Variants in NPAS3 observed in about 807,000 individuals in gnomAD.
The protein encoded by NPAS3 is neuronal PAS domain protein 3, also known as neuronal PAS domain-containing protein 3.
A neutral mutation model predicts 73.1 loss-of-function variants in NPAS3; 14 were observed. That is an observed-to-expected ratio of 0.19 (90% CI 0.13 to 0.30). The LOEUF (loss-of-function observed/expected upper bound fraction) is 0.30, where lower values mean the gene tolerates loss of function less well. NPAS3 is among the 10% of genes least tolerant of loss of function. The pLI, the probability that NPAS3 is intolerant of heterozygous loss-of-function variation, is 1.00. For synonymous variants in NPAS3, 620 were observed against 541.5 expected (o/e 1.14, Z -2.01); for missense variants, 1,096 against 1,250.0 (o/e 0.88, Z 1.86).
intron 9 of NPAS3, among the ~76,000 whole-genome samples, chr14:33,787,249 C>G (rs2063204793): frequency 6.6e-6 from 1 of 152,102 alleles, no homozygotes; most frequent in African/African-American, 2.4e-5. Context: ...GTTTAAAAGC[C>G]TTGTTCTCCA....
At chr14:33,593,742 A>G (rs533963609) in intron 5 of NPAS3, among the ~76,000 whole-genome samples, 1 of 152,346 alleles carries the variant, frequency 6.6e-6, no homozygotes, top group East Asian at 1.9e-4. Flanking sequence ...GAAAAGACAA[A>G]TTATTAGGAG....
chr14:33,130,330 C>G (rs983118181), intron 2 of NPAS3, among the ~76,000 whole-genome samples: 3 of 152,142 alleles, frequency 2.0e-5, no homozygotes, highest in Non-Finnish European at 2.9e-5. Flanking sequence ...AGTAATGGAA[C>G]TATCCTTAGA....
chr14:33,203,438 A>C (rs899974561), intron 2 of NPAS3, among the ~76,000 whole-genome samples: 1 of 152,144 alleles, frequency 6.6e-6, no homozygotes, highest in Non-Finnish European at 1.5e-5. Flanking sequence ...CGTCATTTAC[A>C]TGAGGTATAT....
Position 33,356,949 on chromosome 14 carries a change from C to T in NPAS3, c.386-10237C>T, listed in dbSNP as rs117040131. Among the ~76,000 whole-genome samples the T allele has an allele frequency of 1.4e-4, 22 of 152,282 alleles. No homozygotes were observed. In the East Asian group the frequency reaches 1.5e-3, roughly 11 times the overall value. ...TAAAAATATTGCTTACATATGTTCT[C>T]GATTCTAGGTCAGACAGTCTTGTAA... On this transcript the variant is annotated intron_variant, in intron 3 of 11. Transcript: ENST00000356141.
chr14:32,993,410 A>G (rs1301211357), intron 1 of NPAS3, among the ~76,000 whole-genome samples: 4 of 152,182 alleles, frequency 2.6e-5, no homozygotes, highest in Non-Finnish European at 4.4e-5. Context: ...AAGAGGTGAG[A>G]CATTCGAGAG....
intron 4 of NPAS3, among the ~76,000 whole-genome samples, chr14:33,547,923 A>G (rs2139678179): frequency 6.6e-6 from 1 of 152,358 alleles, no homozygotes; most frequent in African/African-American, 2.4e-5. Context: ...GAGTCTGTGG[A>G]AATTTTCTCA....
chr14:33,012,108 G>A (rs990596800), intron 1 of NPAS3, among the ~76,000 whole-genome samples: 7 of 151,910 alleles, frequency 4.6e-5, no homozygotes, highest in East Asian at 3.9e-4. Context: ...TCTCCAGCTT[G>A]TGTCCTCCCT....
rs2041638586 is a variant in NPAS3, at chr14:33,075,783, T to G, written c.140+19789T>G. Among the ~76,000 whole-genome samples, 7 of 152,236 alleles carry G rather than the reference T, an allele frequency of 4.6e-5. No individual in the cohort carries two copies. In the South Asian group the frequency reaches 1.4e-3, roughly 32 times the overall value. ...AAATAATGTTAAAATTTAGGAAATC[T>G]TCAGTAAACTGTATTTTCTGAGTCC... On this transcript the variant is annotated intron_variant, in intron 2 of 11. Coordinates refer to ENST00000356141, the Ensembl canonical transcript of NPAS3.
intron 2 of NPAS3, among the ~76,000 whole-genome samples, chr14:33,174,559 A>G (rs1022986632): frequency 1.4e-4 from 22 of 152,214 alleles, no homozygotes; most frequent in African/African-American, 5.3e-4. Context: ...ATGTGGGTCC[A>G]GTTAGTCCCC....
intron 3 of NPAS3, among the ~76,000 whole-genome samples, chr14:33,281,086 G>C (rs2041585067): frequency 6.6e-6 from 1 of 152,170 alleles, no homozygotes; most frequent in Non-Finnish European, 1.5e-5. Flanking sequence ...TCTTACGGTA[G>C]TGAAGCTGGA....
intron 3 of NPAS3, among the ~76,000 whole-genome samples, chr14:33,242,618 C>T (rs1433091618): frequency 6.6e-6 from 1 of 152,036 alleles, no homozygotes. Context: ...GATGCGTCAA[C>T]ATTATTCAAA....
At chr14:33,436,637 G>A (rs1309084190) in intron 4 of NPAS3, among the ~76,000 whole-genome samples, 1 of 152,140 alleles carries the variant, frequency 6.6e-6, no homozygotes, top group Non-Finnish European at 1.5e-5. Flanking sequence ...TTCCTCAAAG[G>A]TCAGTGCATG....
At chr14:33,277,385 A>T (rs1051305117) in intron 3 of NPAS3, among the ~76,000 whole-genome samples, 1 of 152,150 alleles carries the variant, frequency 6.6e-6, no homozygotes, top group East Asian at 1.9e-4. Context: ...TCAAGTACTT[A>T]TTTAGTGCCT....
chr14:33,770,447 A>G (rs556859890), intron 7 of NPAS3, among the ~76,000 whole-genome samples: 26 of 152,304 alleles, frequency 1.7e-4, no homozygotes, highest in African/African-American at 6.0e-4. Context: ...TTATGGCAAT[A>G]TTAGAAATAA....
chr14:33,036,499 T>C (rs879410979), intron 1 of NPAS3, among the ~76,000 whole-genome samples: 1 of 152,074 alleles, frequency 6.6e-6, no homozygotes, highest in Non-Finnish European at 1.5e-5. Flanking sequence ...AAGAAGGCAG[T>C]ACAGAAAGCA....
chr14:32,989,938 T>C (rs1430472710), intron 1 of NPAS3, among the ~76,000 whole-genome samples: 1 of 151,968 alleles, frequency 6.6e-6, no homozygotes, highest in African/African-American at 2.4e-5. Flanking sequence ...TTGAAAGCAG[T>C]GTGAATAGGG....
chr14:33,239,088 A>G (rs1427927062), intron 3 of NPAS3, among the ~76,000 whole-genome samples: 1 of 151,922 alleles, frequency 6.6e-6, no homozygotes, highest in Non-Finnish European at 1.5e-5. Flanking sequence ...CATTTTTTCA[A>G]TGGCACATAT....
chr14:33,179,874 G>A (rs1031466654), intron 2 of NPAS3, among the ~76,000 whole-genome samples: 1 of 152,096 alleles, frequency 6.6e-6, no homozygotes, highest in African/African-American at 2.4e-5. Context: ...AAATATCTGA[G>A]GCATTTTAGA....
intron 7 of NPAS3, among the ~76,000 whole-genome samples, chr14:33,772,532 T>A (rs55823141): frequency 0.019 from 2,870 of 152,320 alleles, 89 homozygotes; most frequent in African/African-American, 0.063. Flanking sequence ...TTATTTAGCA[T>A]ATCATTTCTG....
Sources: gnomAD v4.1 joint callset for allele counts (sites outside exome capture counted in the v4.1 genomes callset) on GRCh38, gnomAD v4.1.1 for gene constraint, MANE v1.5 for transcripts, NCBI Gene and HGNC (gene_info 2026-07-23, HGNC 2026-07-21) for gene names.